Variants in MCC observed in about 807,000 individuals in gnomAD.
MCC encodes colorectal mutant cancer protein.
Under a neutral mutation model 116.2 loss-of-function variants are expected in MCC, and 90 were observed. The observed-to-expected ratio is 0.77, with a 90% CI of 0.65 to 0.92. MCC has a LOEUF of 0.92. MCC is among the 40% of genes least tolerant of loss of function. The probability of loss-of-function intolerance (pLI) is 0.00; values close to 1 mark genes in which losing one functional copy is unlikely to be tolerated. For synonymous variants in MCC, 578 were observed against 510.5 expected (o/e 1.13, Z -1.78); for missense variants, 1,516 against 1,312.2 (o/e 1.16, Z -2.40).
intron 1 of MCC, among the ~76,000 whole-genome samples, chr5:113,445,704 C>CT: frequency 6.6e-6 from 1 of 152,070 alleles, no homozygotes; most frequent in Non-Finnish European, 1.5e-5. Context: ...TCCTATCAAA[C>CT]ACCAAACTAT....
At chr5:113,166,719 AAAAC>A (rs1561420405) in intron 3 of MCC, among the ~76,000 whole-genome samples, 1 of 148,568 alleles carries the variant, frequency 6.7e-6, no homozygotes, top group Non-Finnish European at 1.5e-5. Context: ...AAAAAAAAAA[AAAAC>A]AACCAAAAAA....
intron 2 of MCC, among the ~76,000 whole-genome samples, chr5:113,373,951 G>A (rs565767563): frequency 1.4e-3 from 215 of 151,764 alleles, no homozygotes; most frequent in Non-Finnish European, 2.8e-3. Context: ...ACCCAAGCTG[G>A]AATGCAGTGG....
intron 3 of MCC, among the ~76,000 whole-genome samples, chr5:113,242,991 G>GA (rs1269694028): frequency 6.6e-6 from 1 of 152,166 alleles, no homozygotes; most frequent in Non-Finnish European, 1.5e-5. Context: ...ATCATGGAGG[G>GA]AAAGTCTGTT....
chr5:113,273,200 T>C (rs1444266856), intron 3 of MCC, among the ~76,000 whole-genome samples: 4 of 152,140 alleles, frequency 2.6e-5, no homozygotes, highest in African/African-American at 9.7e-5. Flanking sequence ...AAAAGCAAAG[T>C]TTCCTCCAAA....
Position 113,049,150 on chromosome 5 carries a change from C to A in MCC, c.2598G>T (p.Glu866Asp), listed in dbSNP as rs1346519011. The change falls in exon 16 of 19, where the codon GAG becomes GAT. Residue 866 changes from glutamate (E) to aspartate (D), a missense_variant. Transcript: ENST00000408903. ...HLKSEVEEQK[E>D]QRMRSLSSTS... ...TGGAGCTGAGGGATCGCATCCGCTG[C>A]TCCTTCTGCTCCTCCACCTCGGACT... is the stretch of plus-strand genomic sequence containing the variant. The A allele has an allele frequency of 1.2e-6, 2 of 1,614,242 alleles. No individual in the cohort carries two copies. The highest frequency in any genetic ancestry group is 2.2e-5 in the South Asian group (2 of 91,086).
chr5:113,208,481 A>C (rs1331911302), intron 3 of MCC, among the ~76,000 whole-genome samples: 1 of 152,194 alleles, frequency 6.6e-6, no homozygotes, highest in Non-Finnish European at 1.5e-5. Context: ...GTATAAAAAA[A>C]TGTAGGACCA....
chr5:113,470,418 T>C (rs1402053797), intron 1 of MCC, among the ~76,000 whole-genome samples: 3 of 151,250 alleles, frequency 2.0e-5, no homozygotes, highest in African/African-American at 4.8e-5. Context: ...CTGTAAAGTA[T>C]TTTATTTCTC....
intron 11 of MCC, among the ~76,000 whole-genome samples, chr5:113,078,341 A>G (rs144974894): frequency 7.4e-4 from 112 of 152,356 alleles, no homozygotes; most frequent in African/African-American, 2.6e-3. Context: ...AAACTGGCAG[A>G]GACACAACAA....
At chr5:113,097,430 A>G (rs1291221866) in intron 8 of MCC, among the ~76,000 whole-genome samples, 1 of 152,214 alleles carries the variant, frequency 6.6e-6, no homozygotes, top group Non-Finnish European at 1.5e-5. Context: ...CCAATACAAC[A>G]TATTACCATT....
Position 113,064,125 on chromosome 5 carries a change from C to T in MCC, c.2072G>A (p.Arg691Gln), listed in dbSNP as rs149204864. Reference sequence around the variant, plus strand: ...AGCTGTCTTCCGGCAGTCATGAGCTCGCTTGAGCATCTGAGTGATGTTTTC... The same window carrying T: ...AGCTGTCTTCCGGCAGTCATGAGCTTGCTTGAGCATCTGAGTGATGTTTTC... ...GDENITQMLK[R>Q]AHDCRKTAEN... Residue 691 changes from arginine (R) to glutamine (Q), a missense_variant, in exon 14 of 19, where the codon CGA becomes CAA. Transcript: ENST00000408903. 1.9e-5 allele frequency: 30 copies of T among 1,613,726 alleles called. No homozygotes were observed. Among genetic ancestry groups the T allele is most frequent in the Admixed American group, 1.5e-4 (9 of 59,958 alleles).
rs1287392531 is a variant in MCC, at chr5:113,151,315, C to T, written c.735G>A (p.Lys245=). The T allele has an allele frequency of 6.2e-7, 1 of 1,610,156 alleles. No homozygotes were observed. Among genetic ancestry groups the T allele is most frequent in the African/African-American group, 1.3e-5 (1 of 74,932 alleles). Residue 245 remains lysine, a synonymous_variant, in exon 4 of 19, where the codon AAG becomes AAA. Coordinates refer to ENST00000408903, the MANE Select transcript of MCC (RefSeq NM_001085377.2). ...ACCTTTCCAGATCCCTTACCTGTGC[C>T]TTGGCCAATTTCTTTTCCAGAAGGT... ...ERDLLEKKLA[K]AQCEQSHLMR...
Position 113,101,952 on chromosome 5 carries a change from A to T in MCC, c.1192-7T>A, listed in dbSNP as rs762828175. 8 of 1,613,802 alleles carry T rather than the reference A, an allele frequency of 5.0e-6. No homozygotes were observed. In the Admixed American group the frequency reaches 1.3e-4, roughly 27 times the overall value. ...CCTCAATCTCCTCGACTGTCTGTAAAACACAGCCCCAAAGAAAAGTCAAGT... is the reference window on the plus strand; with the variant it reads ...CCTCAATCTCCTCGACTGTCTGTAATACACAGCCCCAAAGAAAAGTCAAGT... On this transcript the variant is annotated splice_polypyrimidine_tract_variant and splice_region_variant and intron_variant, in intron 7 of 18. Coordinates refer to ENST00000408903, the MANE Select transcript of MCC (RefSeq NM_001085377.2).
rs1750384490 is a variant in MCC, at chr5:113,024,428, GT to G, written c.*2873del. The G allele has an allele frequency of 6.6e-6, 1 of 152,182 alleles. No homozygotes were observed. The highest frequency in any genetic ancestry group is 2.1e-4 in the South Asian group (1 of 4,828). 9.4% of individuals were successfully genotyped at this position (152,182 alleles called of 1,614,324 possible). ...CTTTTGCTTGTGATTTGCACAGTTGGTTTTGTTTGCCTCAGTCCAACAATGG... is the reference window on the plus strand; with the variant it reads ...CTTTTGCTTGTGATTTGCACAGTTGGTTTGTTTGCCTCAGTCCAACAATGG... On this transcript the variant is annotated 3_prime_UTR_variant, in exon 19 of 19. Transcript: ENST00000408903.
intron 3 of MCC, among the ~76,000 whole-genome samples, chr5:113,299,268 G>A (rs1766790453): frequency 8.5e-6 from 1 of 118,046 alleles, no homozygotes; most frequent in Admixed American, 1.1e-4. Context: ...ACTCCAGCCT[G>A]GGCAACAGAG....
chr5:113,291,488 C>G (rs1766494633), intron 3 of MCC, among the ~76,000 whole-genome samples: 1 of 152,174 alleles, frequency 6.6e-6, no homozygotes, highest in African/African-American at 2.4e-5. Flanking sequence ...GCCCGCAAGT[C>G]AACACCAATG....
chr5:113,281,557 C>T (rs1326587408), intron 3 of MCC, among the ~76,000 whole-genome samples: 1 of 152,106 alleles, frequency 6.6e-6, no homozygotes, highest in Non-Finnish European at 1.5e-5. Context: ...AAACAATAAA[C>T]CTGGGACAAA....
At chr5:113,148,770 G>T (rs1759675039) in intron 4 of MCC, among the ~76,000 whole-genome samples, 1 of 152,036 alleles carries the variant, frequency 6.6e-6, no homozygotes, top group Admixed American at 6.5e-5. Flanking sequence ...TATGAACTGG[G>T]AAGAAAACTC....
chr5:113,263,631 G>C (rs1765295096), intron 3 of MCC, among the ~76,000 whole-genome samples: 1 of 152,172 alleles, frequency 6.6e-6, no homozygotes, highest in African/African-American at 2.4e-5. Flanking sequence ...TAATTTTACT[G>C]CAGGAATCTA....
chr5:113,063,224 G>C (rs1291275882), intron 14 of MCC, among the ~76,000 whole-genome samples: 2 of 152,194 alleles, frequency 1.3e-5, no homozygotes, highest in African/African-American at 4.8e-5. Flanking sequence ...TAAAGGGAAG[G>C]CATTCGTGTT....
Sources: allele counts gnomAD v4.1 joint callset (sites outside exome capture counted in the v4.1 genomes callset), GRCh38; gene constraint gnomAD v4.1.1; transcripts MANE v1.5; gene names NCBI Gene and HGNC (gene_info 2026-07-23, HGNC 2026-07-21).